TK1: variants seen among roughly 807,000 people sequenced by gnomAD.
TK1 encodes the protein thymidine kinase 1.
TK1 carries 13 observed loss-of-function variants against 22.4 expected under a neutral mutation model. That is an observed-to-expected ratio of 0.58 (90% CI 0.38 to 0.92). TK1 has a LOEUF of 0.92. Ranked by LOEUF, TK1 falls within the 40% of genes least tolerant of loss-of-function variation. The pLI is 0.00. For missense variants in TK1, 251 were observed against 315.7 expected (o/e 0.80, Z 1.55); for synonymous variants, 134 against 125.4 (o/e 1.07, Z -0.46).
intron 5 of TK1, 124 bp from the exon 6 acceptor site, chr17:78,175,293 A>G (rs2075690482): frequency 7.4e-7 from 1 of 1,346,808 alleles, no homozygotes; most frequent in South Asian, 1.5e-5. Flanking sequence ...CCTTCCCCCA[A>G]CCCCCAGAGC....
intron 5 of TK1, 73 bp downstream of exon 5, chr17:78,175,456 G>T: frequency 1.4e-6 from 2 of 1,431,272 alleles, no homozygotes; most frequent in South Asian, 1.2e-5. Context: ...ACCCAGAGCT[G>T]GTGTCTCTGT....
intron 4 of TK1, among the ~76,000 whole-genome samples, chr17:78,182,039 A>T (rs1476238358): frequency 6.6e-6 from 1 of 152,012 alleles, no homozygotes; most frequent in African/African-American, 2.4e-5. Flanking sequence ...TACAGGTGTG[A>T]GTCACTGCAT....
rs372415473 is a variant in TK1, at chr17:78,175,600, A to G, written c.322T>C (p.Phe108Leu). ...CCGGCGTTGGCCATGGCCTCGCAGA[A>G]CTCCACGATGTCAGGGAACTGGAAA... ...EGQFFPDIVE[F>L]CEAMANAGKT... is the part of the protein sequence containing the mutation. Residue 108 changes from phenylalanine (F) to leucine (L), a missense_variant, in exon 5 of 7, where the codon TTC becomes CTC. Phe to Leu is a conservative substitution (Grantham distance 22, BLOSUM62 0). Coordinates refer to ENST00000301634, the MANE Select transcript of TK1 (RefSeq NM_003258.5). 1.9e-6 allele frequency: 3 copies of G among 1,613,458 alleles called. No homozygotes were observed. Among genetic ancestry groups the G allele is most frequent in the African/African-American group, 1.3e-5 (1 of 74,926 alleles).
intron 4 of TK1, chr17:78,179,635 T>C (rs978426814): frequency 1.0e-6 from 1 of 985,330 alleles, no homozygotes; most frequent in African/African-American, 1.7e-5. Context: ...AGGACTGGCC[T>C]TTTGAGGGGA....
At chr17:78,181,486 C>T (rs12601427) in intron 4 of TK1, among the ~76,000 whole-genome samples, 5,110 of 148,390 alleles carry the variant, frequency 0.034, 255 homozygotes, top group East Asian at 0.24. Context: ...TGCAGTGAGC[C>T]GAGATCACGC....
intron 2 of TK1, among the ~76,000 whole-genome samples, chr17:78,185,525 T>TTTTC (rs139602763): frequency 1.3e-5 from 2 of 151,736 alleles, no homozygotes; most frequent in Admixed American, 6.6e-5. Flanking sequence ...AGTTCAGAGT[T>TTTTC]TTTCTTTCTT....
chr17:78,185,021 C>T, intron 3 of TK1, 34 bp downstream of exon 3: 1 of 1,545,448 alleles, frequency 6.5e-7, no homozygotes, highest in South Asian at 1.1e-5. Context: ...TTGTGATTTT[C>T]CACTGGACAG....
intron 4 of TK1, among the ~76,000 whole-genome samples, chr17:78,176,540 C>CT (rs2075701067): frequency 4.6e-5 from 7 of 152,160 alleles, no homozygotes; most frequent in Admixed American, 3.3e-4. Flanking sequence ...CCCAACGTGA[C>CT]TGATTGCGCT....
chr17:78,187,044 C>A lies in TK1; in HGVS notation c.-50G>T. ...CCGAGTACTCTCCAAGGCCGTCCCG[C>A]AGTAAGCCCCTGGTTCCCGCGCCGA... On this transcript the variant is annotated 5_prime_UTR_variant, in exon 1 of 7. Coordinates refer to ENST00000301634, the MANE Select transcript of TK1 (RefSeq NM_003258.5). 6.4e-7 allele frequency: 1 copy of A among 1,564,028 alleles called. No individual in the cohort carries two copies. The highest frequency in any genetic ancestry group is 8.7e-7 in the Non-Finnish European group (1 of 1,145,784).
Position 78,175,637 on chromosome 17 carries a change from GAA to G in TK1, c.304-21_304-20del, listed in dbSNP as rs755197482. The G allele has an allele frequency of 3.1e-6, 5 of 1,609,000 alleles. No individual in the cohort carries two copies. The highest frequency in any genetic ancestry group is 1.1e-5 in the South Asian group (1 of 90,798). ...CAGGGAACTGGAAAGGGCACGTGGA[GAA>G]AGAGTGTGAGAGCTTCCACCCCAGC... is the stretch of plus-strand genomic sequence containing the variant. On this transcript the variant is annotated intron_variant, in intron 4 of 6. Coordinates refer to ENST00000301634, the MANE Select transcript of TK1 (RefSeq NM_003258.5).
intron 3 of TK1, among the ~76,000 whole-genome samples, chr17:78,184,266 C>T (rs1218274349): frequency 2.6e-5 from 4 of 152,232 alleles, no homozygotes; most frequent in South Asian, 2.1e-4. Context: ...GGCCACACGC[C>T]GGGTGGATCT....
rs34529187 is a variant in TK1, at chr17:78,174,915, G to A, written c.549C>T (p.Ser183=). The stretch of plus-strand genomic sequence containing the variant: ...TCTTGAAGTAGCAGAGCCGACACAC[G>A]GAGTGGTACTTGTCTGCTCCCCCAA... ...EVIGGADKYH[S]VCRLCYFKKA... Residue 183 remains serine, a synonymous_variant, in exon 7 of 7, where the codon TCC becomes TCT. Transcript: ENST00000301634. 16,721 of 1,613,862 alleles carry A rather than the reference G, an allele frequency of 0.01. 104 individuals carry two copies. The highest frequency in any genetic ancestry group is 0.013 in the Non-Finnish European group (15,597 of 1,179,844).
chr17:78,183,954 G>A (rs865899171), intron 3 of TK1, among the ~76,000 whole-genome samples: 1 of 152,172 alleles, frequency 6.6e-6, no homozygotes. Flanking sequence ...TGTTAGAGAT[G>A]ACTTGTGACA....
chr17:78,176,531 C>T (rs972253508), intron 4 of TK1, among the ~76,000 whole-genome samples: 24 of 152,062 alleles, frequency 1.6e-4, no homozygotes, highest in African/African-American at 5.8e-4. Context: ...CAAGCAAAGC[C>T]CAACGTGACT....
At chr17:78,178,748 G>A (rs1036955689) in intron 4 of TK1, among the ~76,000 whole-genome samples, 2 of 152,142 alleles carry the variant, frequency 1.3e-5, no homozygotes, top group African/African-American at 2.4e-5. Context: ...GGGTTCAAGC[G>A]ATTCTCCTGC....
intron 4 of TK1, among the ~76,000 whole-genome samples, chr17:78,181,601 T>G (rs1484124028): frequency 6.7e-6 from 1 of 150,102 alleles, no homozygotes; most frequent in Non-Finnish European, 1.5e-5. Context: ...CAGCTTAAAC[T>G]AGATGACAAA....
chr17:78,181,519 C>T lies in TK1; in HGVS notation c.303+1070G>A, dbSNP rs555594430. Among the ~76,000 whole-genome samples, 7 of 139,264 alleles carry T rather than the reference C, an allele frequency of 5.0e-5. No individual in the cohort carries two copies. The South Asian group carries it at 1.4e-3, about 28-fold the overall frequency. The allele number at this position is 139,264 out of a possible 152,430, so 91.4% of individuals were successfully genotyped here. Reference sequence around the variant, plus strand: ...CGCCATTGCACTCCAGCCTGGGCGACAGAGTAAGACTCCGTCTCAAAAAAA... The same window carrying T: ...CGCCATTGCACTCCAGCCTGGGCGATAGAGTAAGACTCCGTCTCAAAAAAA... On this transcript the variant is annotated intron_variant, in intron 4 of 6. Transcript: ENST00000301634.
At chr17:78,177,596 C>T (rs1598965729) in intron 4 of TK1, among the ~76,000 whole-genome samples, 2 of 147,988 alleles carry the variant, frequency 1.4e-5, no homozygotes, top group East Asian at 3.9e-4. Flanking sequence ...TTTTTTGAGA[C>T]GGAGTCTCGC....
intron 4 of TK1, among the ~76,000 whole-genome samples, chr17:78,178,787 G>A (rs2075719026): frequency 6.6e-6 from 1 of 152,186 alleles, no homozygotes; most frequent in Admixed American, 6.6e-5. Flanking sequence ...TGGGATTACA[G>A]GCATGCGCCA....
Sources: allele counts gnomAD v4.1 joint callset (sites outside exome capture counted in the v4.1 genomes callset), GRCh38; gene constraint gnomAD v4.1.1; transcripts MANE v1.5; gene names NCBI Gene and HGNC (gene_info 2026-07-23, HGNC 2026-07-21).